The following KLF16 variants were observed in gnomAD, a reference collection of about 807,000 sequenced individuals.
KLF16 encodes KLF transcription factor 16.
A neutral mutation model predicts 6.1 loss-of-function variants in KLF16; 6 were observed. The ratio of observed to expected loss-of-function variants is 0.98; its 90% CI spans 0.54 to 1.93. The LOEUF is 1.93. KLF16 is among the 30% of genes most tolerant of loss of function. The pLI, the probability that KLF16 is intolerant of heterozygous loss-of-function variation, is 0.01. For missense variants in KLF16, 355 were observed against 363.8 expected, an observed-to-expected ratio of 0.98 and a Z score of 0.20; for synonymous variants, 211 against 176.5, an observed-to-expected ratio of 1.20 and a Z score of -1.55.
chr19:1,874,353 G>C, the KLF16 span, among the ~76,000 whole-genome samples: 1 of 152,122 alleles, frequency 6.6e-6, no homozygotes, highest in East Asian at 1.9e-4. Context: ...TTGCCATAAA[G>C]ACAGCACTTC....
At chr19:1,856,574 G>A (rs916070449) in intron 1 of KLF16, among the ~76,000 whole-genome samples, 2 of 152,172 alleles carry the variant, frequency 1.3e-5, no homozygotes, top group Admixed American at 6.5e-5. Flanking sequence ...CCAGGATGCA[G>A]CTGGGGTCGC....
In KLF16 at chr19:1,863,503, G is replaced by A. The variant is rs2012116971; in HGVS notation, c.-6C>T. The A allele has an allele frequency of 4.0e-5, 40 of 994,046 alleles. No individual in the cohort carries two copies. Among genetic ancestry groups the A allele is most frequent in the Non-Finnish European group, 4.8e-5 (40 of 837,262 alleles). The allele number at this position is 994,046 out of a possible 1,614,324, so 61.6% of individuals were successfully genotyped here. A position where few individuals can be genotyped will look rare whatever the true frequency, so the allele number is the denominator to read the frequency against. ...CACGCCACGGCCGCCGACATGCCGA[G>A]CAAGGGCGCGCGGCGCGGCGGGCGG... is the stretch of plus-strand genomic sequence containing the variant. On this transcript the variant is annotated 5_prime_UTR_variant, in exon 1 of 2. Transcript: ENST00000250916.
chr19:1,859,623 C>T (rs1049658431), intron 1 of KLF16, among the ~76,000 whole-genome samples: 1 of 152,092 alleles, frequency 6.6e-6, no homozygotes, highest in Non-Finnish European at 1.5e-5. Flanking sequence ...CATTCCCTGC[C>T]CCACCCAGCC....
chr19:1,855,497 G>C (rs957731151), intron 1 of KLF16, among the ~76,000 whole-genome samples: 1 of 152,152 alleles, frequency 6.6e-6, no homozygotes, highest in African/African-American at 2.4e-5. Flanking sequence ...GACAGATGGC[G>C]CTGGGCAGGG....
At chr19:1,875,193 G>C in the KLF16 span, 1 of 152,020 alleles carries the variant, frequency 6.6e-6, no homozygotes, top group African/African-American at 2.4e-5. Context: ...AAAATAGTCC[G>C]ACTTGGGCAA....
At chr19:1,871,390 C>T in the KLF16 span, among the ~76,000 whole-genome samples, 7 of 152,164 alleles carry the variant, frequency 4.6e-5, no homozygotes, top group South Asian at 2.1e-4. Flanking sequence ...ACGCACTCAG[C>T]GGTCTGTGCC....
At chr19:1,875,745 G>T in the KLF16 span, 17 of 152,610 alleles carry the variant, frequency 1.1e-4, no homozygotes, top group Admixed American at 3.3e-4. Context: ...AGGGGGCACG[G>T]GATGCGGGGA....
chr19:1,875,373 T>G, the KLF16 span: 3 of 152,326 alleles, frequency 2.0e-5, no homozygotes, highest in Non-Finnish European at 4.4e-5. Context: ...CTACGTTAAG[T>G]ATAAGAGCCC....
upstream of KLF16, among the ~76,000 whole-genome samples, chr19:1,864,617 G>C (rs553464710): frequency 6.6e-6 from 1 of 152,296 alleles, no homozygotes; most frequent in African/African-American, 2.4e-5. Flanking sequence ...CGGGTCAGAG[G>C]TTCCCCGCCC....
the KLF16 span, among the ~76,000 whole-genome samples, chr19:1,871,765 A>C: frequency 6.6e-6 from 1 of 152,030 alleles, no homozygotes; most frequent in Non-Finnish European, 1.5e-5. Flanking sequence ...CGGAGGACAC[A>C]GCGAGGTCAC....
chr19:1,862,625 A>G (rs2012089334), intron 1 of KLF16, among the ~76,000 whole-genome samples: 1 of 151,452 alleles, frequency 6.6e-6, no homozygotes, highest in South Asian at 2.1e-4. Context: ...TTTCACAGAT[A>G]AGGAAACTGA....
At chr19:1,866,734 C>G (rs1015915165), upstream of KLF16, among the ~76,000 whole-genome samples, 6 of 146,850 alleles carry the variant, frequency 4.1e-5, no homozygotes, top group Admixed American at 2.1e-4. Flanking sequence ...TGTGACTGCA[C>G]CACTGCACTC....
Position 1,855,136 on chromosome 19 carries a change from C to CA in KLF16, c.458-377_458-376insT. On this transcript the variant is annotated intron_variant, in intron 1 of 1. Transcript: ENST00000250916. ...TTAGCAAAGGCCTCCCAGTGTCTGT[C>CA]CCAGGCACAGGCACGCTCAGAAGGC... is the stretch of plus-strand genomic sequence containing the variant. Among the ~76,000 whole-genome samples the CA allele has an allele frequency of 1.3e-5, 2 of 152,206 alleles. 1 individual carries two copies. Among genetic ancestry groups the CA allele is most frequent in the South Asian group, 4.1e-4 (2 of 4,830 alleles).
In KLF16 at chr19:1,863,526, C is replaced by T; in HGVS notation, c.-29G>A. The T allele has an allele frequency of 1.0e-6, 1 of 970,932 alleles. No individual in the cohort carries two copies. The highest frequency in any genetic ancestry group is 5.2e-4 in the Middle Eastern group (1 of 1,908). The allele number at this position is 970,932 out of a possible 1,614,324, so 60.1% of individuals were successfully genotyped here. On this transcript the variant is annotated 5_prime_UTR_variant, in exon 1 of 2. Coordinates refer to ENST00000250916, the MANE Select transcript of KLF16 (RefSeq NM_031918.4). ...GAGCAAGGGCGCGCGGCGCGGCGGG[C>T]GGAGCGGAGGCGGCGGGAGCGGCGT...
Position 1,854,206 on chromosome 19 carries a change from T to G in KLF16, c.*253A>C. The G allele has an allele frequency of 2.3e-6, 1 of 429,512 alleles. No homozygotes were observed. The highest frequency in any genetic ancestry group is 4.0e-6 in the Non-Finnish European group (1 of 251,834). The allele number at this position is 429,512 out of a possible 1,614,324, so 26.6% of individuals were successfully genotyped here. A position where few individuals can be genotyped will look rare whatever the true frequency, so the allele number is the denominator to read the frequency against. ...TCCTAGCTGCCCTGGGGGGGCCCCG[T>G]TGCACAGATGGGAAGAAAGTTAGTA... On this transcript the variant is annotated 3_prime_UTR_variant, in exon 2 of 2. Coordinates refer to ENST00000250916, the MANE Select transcript of KLF16 (RefSeq NM_031918.4).
chr19:1,860,985 C>T (rs1192398163), intron 1 of KLF16, among the ~76,000 whole-genome samples: 2 of 152,064 alleles, frequency 1.3e-5, no homozygotes, highest in African/African-American at 4.8e-5. Context: ...GCCAGGAGAT[C>T]CGCCCTGCCC....
intron 1 of KLF16, among the ~76,000 whole-genome samples, chr19:1,859,017 G>T (rs2012009341): frequency 6.6e-6 from 1 of 152,120 alleles, no homozygotes; most frequent in African/African-American, 2.4e-5. Context: ...AGTTCCAGCT[G>T]CTCTCTGCAC....
upstream of KLF16, among the ~76,000 whole-genome samples, chr19:1,865,185 G>A (rs1008794467): frequency 6.6e-6 from 1 of 152,200 alleles, no homozygotes; most frequent in African/African-American, 2.4e-5. Context: ...GAGGTTCAGC[G>A]AAGTGTGGGA....
chr19:1,876,467 C>T, the KLF16 span, among the ~76,000 whole-genome samples: 3 of 152,216 alleles, frequency 2.0e-5, no homozygotes, highest in Non-Finnish European at 4.4e-5. Context: ...GTGTCGGCTC[C>T]CTCTTCCAGG....
Sources: allele counts gnomAD v4.1 joint callset (sites outside exome capture counted in the v4.1 genomes callset), GRCh38; gene constraint gnomAD v4.1.1; transcripts MANE v1.5; gene names NCBI Gene and HGNC (gene_info 2026-07-23, HGNC 2026-07-21).